Variants in GPX4 observed in about 807,000 individuals in gnomAD.
The protein encoded by GPX4 is glutathione peroxidase 4.
In GPX4, 28 loss-of-function variants were observed where a neutral mutation model predicts 27.8. That is an observed-to-expected ratio of 1.01 (90% CI 0.75 to 1.38). The LOEUF (loss-of-function observed/expected upper bound fraction) is 1.38, where lower values mean the gene tolerates loss of function less well. GPX4 is among the 40% of genes most tolerant of loss of function. GPX4 has a pLI of 0.00. For missense variants in GPX4, 357 were observed against 274.1 expected (o/e 1.30, Z -2.14); for synonymous variants, 163 against 107.8 (o/e 1.51, Z -3.17).
chr19:1,106,649 C>A lies in GPX4; in HGVS notation c.*77C>A. On this transcript the variant is annotated 3_prime_UTR_variant, in exon 7 of 7. Coordinates refer to ENST00000354171, the MANE Select transcript of GPX4 (RefSeq NM_002085.5). ...TCCACCGGCACTCATGACGGCCTGC[C>A]TGCAAACCTGCTGGTGGGGCAGACC... The A allele has an allele frequency of 6.3e-7, 1 of 1,587,350 alleles. No homozygotes were observed. Among genetic ancestry groups the A allele is most frequent in the East Asian group, 2.3e-5 (1 of 43,446 alleles).
intron 1 of GPX4, 45 bp downstream of exon 1, chr19:1,104,172 C>T: frequency 1.4e-6 from 2 of 1,381,440 alleles, no homozygotes; most frequent in Non-Finnish European, 9.3e-7. Flanking sequence ...ACCGTTGGGG[C>T]GGGCGCGCGA....
chr19:1,104,246 T>C (rs2079622175), intron 1 of GPX4, 119 bp downstream of exon 1: 1 of 875,206 alleles, frequency 1.1e-6, no homozygotes. Context: ...GGGGGGCGTC[T>C]GGGGGCTCCC....
chr19:1,106,012 C>T lies in GPX4; in HGVS notation c.476+203C>T, dbSNP rs1035911256. The stretch of plus-strand genomic sequence containing the variant: ...CTGTGGAGGCAGCCAGGGATGCCCA[C>T]ACCTTTGTGGCCTCCTGGGGACAGG... On this transcript the variant is annotated intron_variant, in intron 4 of 6. Transcript: ENST00000354171. The T allele has an allele frequency of 1.3e-4, 97 of 739,268 alleles. 1 individual carries two copies. The highest frequency in any genetic ancestry group is 7.8e-4 in the Middle Eastern group (2 of 2,558). 45.8% of individuals were successfully genotyped at this position (739,268 alleles called of 1,614,324 possible). A position where few individuals can be genotyped will look rare whatever the true frequency, so the allele number is the denominator to read the frequency against.
intron 1 of GPX4, chr19:1,104,884 C>A: frequency 7.6e-7 from 1 of 1,314,138 alleles, no homozygotes; most frequent in Non-Finnish European, 9.9e-7. Flanking sequence ...CCTGTCCCCG[C>A]AGCTTGCGAC....
chr19:1,106,720 C>G lies in GPX4; in HGVS notation c.*148C>G. 5.7e-6 allele frequency: 6 copies of G among 1,053,434 alleles called. No homozygotes were observed. The highest frequency in any genetic ancestry group is 8.1e-6 in the Non-Finnish European group (6 of 739,014). The allele number at this position is 1,053,434 out of a possible 1,614,324, so 65.3% of individuals were successfully genotyped here. ...CGCCGGAGGAAGGTCCCATGGCCTG[C>G]TGGGCTTGGCTCGGCGCCCCCACCC... is the stretch of plus-strand genomic sequence containing the variant. On this transcript the variant is annotated 3_prime_UTR_variant, in exon 7 of 7. Transcript: ENST00000354171.
chr19:1,105,165 T>G, intron 1 of GPX4, 21 bp from the exon 2 acceptor site: 1 of 1,612,172 alleles, frequency 6.2e-7, no homozygotes, highest in Non-Finnish European at 8.5e-7. Flanking sequence ...CGCTCCCTGC[T>G]CAGCTTCCTT....
intron 1 of GPX4, 68 bp downstream of exon 1, chr19:1,104,195 C>A: frequency 7.7e-7 from 1 of 1,297,180 alleles, no homozygotes; most frequent in Non-Finnish European, 1.0e-6. Flanking sequence ...CCTGCCTCCG[C>A]TCGCCGGCGT....
At chr19:1,106,047 G>C (rs1329586729) in intron 4 of GPX4, 195 bp from the exon 5 acceptor site, 1 of 693,844 alleles carries the variant, frequency 1.4e-6, no homozygotes, top group Non-Finnish European at 2.4e-6. Context: ...GATGGCTCGG[G>C]GGCCTGTGGG....
chr19:1,105,855 G>C (rs1402552526), intron 4 of GPX4, 46 bp downstream of exon 4: 1 of 1,480,082 alleles, frequency 6.8e-7, no homozygotes, highest in African/African-American at 1.4e-5. Context: ...TGGGGGTGGG[G>C]GGGCTGCTGG....
chr19:1,106,055 G>C, intron 4 of GPX4, 187 bp from the exon 5 acceptor site: 1 of 696,540 alleles, frequency 1.4e-6, no homozygotes, highest in Non-Finnish European at 2.3e-6. Context: ...GGGGGCCTGT[G>C]GGGGGCTGTT....
intron 5 of GPX4, 31 bp from the exon 6 acceptor site, chr19:1,106,369 G>C: frequency 6.2e-7 from 1 of 1,613,134 alleles, no homozygotes; most frequent in Non-Finnish European, 8.5e-7. Flanking sequence ...TGCAGGGGTG[G>C]CCCCACAGTT....
chr19:1,106,375 C>T (rs765681822), intron 5 of GPX4, 25 bp from the exon 6 acceptor site: 1 of 1,613,426 alleles, frequency 6.2e-7, no homozygotes, highest in East Asian at 2.2e-5. Context: ...GGTGGCCCCA[C>T]AGTTTGGACA....
Position 1,106,405 on chromosome 19 carries a change from C to T in GPX4, c.507C>T (p.Leu169=). The change falls in exon 6 of 7, where the codon CTC becomes CTT. Residue 169 remains leucine (L), a synonymous_variant. Transcript: ENST00000354171. ...TGGACACCGTCTCTCCACAGTTCCT[C>T]ATCGACAAGAACGGCTGCGTGGTGA... ...NAIKWNFTKF[L]IDKNGCVVKR... is the part of the protein sequence containing the mutation. 6.2e-7 allele frequency: 1 copy of T among 1,613,564 alleles called. No individual in the cohort carries two copies. Among genetic ancestry groups the T allele is most frequent in the Non-Finnish European group, 8.5e-7 (1 of 1,179,948 alleles).
rs748675850 is a variant in GPX4, at chr19:1,105,801, C to G, written c.468C>G (p.Ile156Met). The G allele has an allele frequency of 2.1e-6, 3 of 1,461,414 alleles. No individual in the cohort carries two copies. The highest frequency in any genetic ancestry group is 1.8e-4 in the Middle Eastern group (1 of 5,426). The allele number at this position is 1,461,414 out of a possible 1,614,324, so 90.5% of individuals were successfully genotyped here. The change falls in exon 4 of 7, where the codon ATC becomes ATG. Residue 156 changes from isoleucine (I) to methionine (M), a missense_variant. Coordinates refer to ENST00000354171, the MANE Select transcript of GPX4 (RefSeq NM_002085.5). ...WMKIQPKGKGILGNAIKWNFT... is the reference protein window; with the variant it reads ...WMKIQPKGKGMLGNAIKWNFT... ...AGATCCAACCCAAGGGCAAGGGCAT[C>G]CTGGGAAAGTGCGTGACCTCTGGGG... is the stretch of plus-strand genomic sequence containing the variant.
At chr19:1,104,256 C>G (rs1263857503) in intron 1 of GPX4, 129 bp downstream of exon 1, 1 of 780,516 alleles carries the variant, frequency 1.3e-6, no homozygotes. Flanking sequence ...TGGGGGCTCC[C>G]CCTCCCCACC....
In GPX4 at chr19:1,106,605, G is replaced by T; in HGVS notation, c.*33G>T. Reference sequence around the variant, plus strand: ...AGTGTGTGGCCCCGCCCGAGCCCCTGCCCACGCCCTTGGAGCCTTCCACCG... The same window carrying T: ...AGTGTGTGGCCCCGCCCGAGCCCCTTCCCACGCCCTTGGAGCCTTCCACCG... On this transcript the variant is annotated 3_prime_UTR_variant, in exon 7 of 7. Coordinates refer to ENST00000354171, the MANE Select transcript of GPX4 (RefSeq NM_002085.5). 1 of 1,612,590 alleles carries T rather than the reference G, an allele frequency of 6.2e-7. No individual in the cohort carries two copies. The highest frequency in any genetic ancestry group is 8.5e-7 in the Non-Finnish European group (1 of 1,179,540).
chr19:1,104,850 G>A, intron 1 of GPX4: 7 of 1,161,296 alleles, frequency 6.0e-6, no homozygotes, highest in Non-Finnish European at 7.6e-6. Flanking sequence ...AGGCGCAGGA[G>A]GGCGCGGCGC....
At chr19:1,104,616 A>C (rs1400050987) in intron 1 of GPX4, 4 of 985,490 alleles carry the variant, frequency 4.1e-6, no homozygotes, top group African/African-American at 1.8e-5. Context: ...CCGCCCCCGC[A>C]CCTTGGCCTA....
chr19:1,106,049 G>C, intron 4 of GPX4, 193 bp from the exon 5 acceptor site: 1 of 685,572 alleles, frequency 1.5e-6, no homozygotes, highest in East Asian at 2.8e-5. Context: ...TGGCTCGGGG[G>C]CCTGTGGGGG....
Sources: allele counts gnomAD v4.1 joint callset, GRCh38; gene constraint gnomAD v4.1.1; transcripts MANE v1.5; gene names NCBI Gene and HGNC (gene_info 2026-07-23, HGNC 2026-07-21).